The following PRDM16 variants were observed in gnomAD, a reference collection of about 807,000 sequenced individuals.
PRDM16 encodes PR/SET domain 16, also known as histone-lysine N-methyltransferase PRDM16.
PRDM16 carries 23 observed loss-of-function variants against 110.6 expected under a neutral mutation model. The ratio of observed to expected loss-of-function variants is 0.21; its 90% CI spans 0.15 to 0.29. PRDM16 has a LOEUF of 0.29. PRDM16 is among the 10% of genes least tolerant of loss of function. The probability of loss-of-function intolerance (pLI) is 1.00; values close to 1 mark genes in which losing one functional copy is unlikely to be tolerated. For synonymous variants in PRDM16, 799 were observed against 781.8 expected (o/e 1.02, Z -0.37); for missense variants, 1,615 against 1,794.3 (o/e 0.90, Z 1.81).
intron 1 of PRDM16, among the ~76,000 whole-genome samples, chr1:3,109,490 C>A: frequency 6.6e-6 from 1 of 152,220 alleles, no homozygotes; most frequent in East Asian, 1.9e-4. Flanking sequence ...TTCCTCCCCA[C>A]AGATCTCAGA....
At chr1:3,195,499 G>T (rs896798887) in intron 2 of PRDM16, among the ~76,000 whole-genome samples, 1 of 152,146 alleles carries the variant, frequency 6.6e-6, no homozygotes, top group Non-Finnish European at 1.5e-5. Context: ...AGCGAAAAAG[G>T]AAATAAATAT....
chr1:3,412,684 G>A lies in PRDM16; in HGVS notation c.2487G>A (p.Gly829=), dbSNP rs1164635383. 1.3e-6 allele frequency: 2 copies of A among 1,504,202 alleles called. No homozygotes were observed. The highest frequency in any genetic ancestry group is 1.3e-5 in the South Asian group (1 of 77,468). 93.2% of individuals were successfully genotyped at this position (1,504,202 alleles called of 1,614,324 possible). ...GREPRKNHVY[G]ERKLGAGEGL... ...AGCCCCGCAAGAACCACGTCTATGG[G>A]GAACGCAAGCTGGGCGCCGGCGAGG... Residue 829 remains glycine, a synonymous_variant, in exon 9 of 17, where the codon GGG becomes GGA. Coordinates refer to ENST00000270722, the MANE Select transcript of PRDM16 (RefSeq NM_022114.4).
At chr1:3,127,515 C>T (rs1055460402) in intron 1 of PRDM16, among the ~76,000 whole-genome samples, 4 of 152,200 alleles carry the variant, frequency 2.6e-5, no homozygotes, top group Non-Finnish European at 5.9e-5. Flanking sequence ...CCTAGCTTCC[C>T]CGGGCACTTG....
At chr1:3,338,230 T>A (rs1265391288) in intron 3 of PRDM16, among the ~76,000 whole-genome samples, 3 of 152,258 alleles carry the variant, frequency 2.0e-5, no homozygotes, top group Non-Finnish European at 4.4e-5. Flanking sequence ...GGGGGCATAC[T>A]GGGCCCCAAG....
intron 3 of PRDM16, among the ~76,000 whole-genome samples, chr1:3,264,350 T>G (rs1156880747): frequency 7.0e-4 from 50 of 70,998 alleles, no homozygotes; most frequent in African/African-American, 7.7e-4. Context: ...AGGGGAGGGG[T>G]GTGGAGGGGC....
chr1:3,334,597 C>T (rs751424406), intron 3 of PRDM16, among the ~76,000 whole-genome samples: 1 of 152,180 alleles, frequency 6.6e-6, no homozygotes, highest in Admixed American at 6.5e-5. Flanking sequence ...GGCCACAATG[C>T]CTGCCTTGCA....
chr1:3,372,369 A>G (rs1355545573), intron 3 of PRDM16, among the ~76,000 whole-genome samples: 1 of 152,228 alleles, frequency 6.6e-6, no homozygotes, highest in Admixed American at 6.5e-5. Context: ...ATCATGAAGA[A>G]TTCCTCCCGC....
intron 2 of PRDM16, among the ~76,000 whole-genome samples, chr1:3,241,790 C>G (rs1027982419): frequency 2.0e-5 from 3 of 152,178 alleles, no homozygotes; most frequent in Admixed American, 2.0e-4. Context: ...GAAAATGCAG[C>G]TGGCCACAGC....
At chr1:3,181,566 G>GGTCTTACA (rs1644190605) in intron 1 of PRDM16, among the ~76,000 whole-genome samples, 1 of 63,228 alleles carries the variant, frequency 1.6e-5, no homozygotes, top group South Asian at 6.3e-4. Flanking sequence ...TCTTACACAC[G>GGTCTTACA]CAGTCTTACA....
intron 3 of PRDM16, among the ~76,000 whole-genome samples, chr1:3,247,120 A>G (rs559739909): frequency 6.6e-6 from 1 of 152,292 alleles, no homozygotes; most frequent in East Asian, 1.9e-4. Context: ...ACTTGGGAAC[A>G]TTAAAAACCT....
chr1:3,193,316 C>T (rs1477622320), intron 2 of PRDM16, among the ~76,000 whole-genome samples: 1 of 152,230 alleles, frequency 6.6e-6, no homozygotes, highest in East Asian at 1.9e-4. Context: ...GATGGAGCGG[C>T]AGCTCCCACC....
At chr1:3,180,926 ACGCAGCCACACACGCAGCC>A (rs1644146563) in intron 1 of PRDM16, among the ~76,000 whole-genome samples, 1 of 148,262 alleles carries the variant, frequency 6.7e-6, no homozygotes, top group African/African-American at 2.5e-5. Context: ...AGCCTTACAC[ACGCAGCCACACACGCAGCC>A]TTACACACGC....
At chr1:3,252,832 G>T (rs978979183) in intron 3 of PRDM16, among the ~76,000 whole-genome samples, 4 of 152,186 alleles carry the variant, frequency 2.6e-5, no homozygotes, top group Non-Finnish European at 4.4e-5. Context: ...ACCACAGCAG[G>T]TTCCAGGTTG....
rs1178436333 is a variant in PRDM16 at position 3,213,701 on chromosome 1, C to T, written c.387+27227C>T. On this transcript the variant is annotated intron_variant, in intron 2 of 16. Transcript: ENST00000270722. The surrounding 1 kb of genome is among the most constrained non-coding windows in gnomAD (Gnocchi z 5.3). ...TTCCCCAGGATTCCAGGAGACTCTG[C>T]CTGGCCCAGGAGGTTCTGCTCTCCC... is the stretch of plus-strand genomic sequence containing the variant. Among the ~76,000 whole-genome samples the T allele has an allele frequency of 6.6e-6, 1 of 152,168 alleles. No individual in the cohort carries two copies. The highest frequency in any genetic ancestry group is 1.5e-5 in the Non-Finnish European group (1 of 68,032).
At chr1:3,355,709 CTG>C (rs946665716) in intron 3 of PRDM16, among the ~76,000 whole-genome samples, 5 of 152,218 alleles carry the variant, frequency 3.3e-5, no homozygotes, top group Non-Finnish European at 7.3e-5. Flanking sequence ...AGATGAGAAA[CTG>C]GGGCCGGGAG....
intron 3 of PRDM16, among the ~76,000 whole-genome samples, chr1:3,247,374 G>A (rs544097273): frequency 6.6e-6 from 1 of 152,376 alleles, no homozygotes; most frequent in East Asian, 1.9e-4. Flanking sequence ...GAAGAGGCTG[G>A]ATGCAGGATG....
chr1:3,329,237 C>T (rs1052422488), intron 3 of PRDM16, among the ~76,000 whole-genome samples: 2 of 152,220 alleles, frequency 1.3e-5, no homozygotes, highest in Non-Finnish European at 2.9e-5. Context: ...TGGTGGTGTT[C>T]GTGGTGGCGT....
Position 3,138,101 on chromosome 1 carries a change from C to T in PRDM16, c.38-48024C>T, listed in dbSNP as rs1020397968. ...CTCCAGCCTGGCAAGCCCAACTTGT[C>T]GTTCTTGGGACACGAAAGCAGGGGG... is the stretch of plus-strand genomic sequence containing the variant. On this transcript the variant is annotated intron_variant, in intron 1 of 16. Transcript: ENST00000270722. 2.6e-5 allele frequency among the ~76,000 whole-genome samples: 4 copies of T among 152,290 alleles called. No homozygotes were observed. In the East Asian group the frequency reaches 7.7e-4, roughly 29 times the overall value.
intron 3 of PRDM16, among the ~76,000 whole-genome samples, chr1:3,301,382 A>C (rs1641206132): frequency 6.6e-6 from 1 of 151,998 alleles, no homozygotes; most frequent in African/African-American, 2.4e-5. Context: ...AGGAAAAGAA[A>C]GCTTGCCAAA....
Sources: gnomAD v4.1 joint callset for allele counts (sites outside exome capture counted in the v4.1 genomes callset) on GRCh38, gnomAD v4.1.1 for gene constraint, Gnocchi (gnomAD v3.1) non-coding constraint, MANE v1.5 for transcripts, NCBI Gene and HGNC (gene_info 2026-07-23, HGNC 2026-07-21) for gene names.